Variants in FGF12 observed in about 807,000 individuals in gnomAD.
The protein encoded by FGF12 is fibroblast growth factor 12B.
A neutral mutation model predicts 23.6 loss-of-function variants in FGF12; 14 were observed. That is an observed-to-expected ratio of 0.59 (90% confidence interval 0.39 to 0.93). The LOEUF (loss-of-function observed/expected upper bound fraction) is 0.93, where lower values mean the gene tolerates loss of function less well. Among genes scored for constraint, FGF12 ranks in the 40% least tolerant of loss-of-function variants. FGF12 has a pLI of 0.00. For synonymous variants in FGF12, 62 were observed against 77.3 expected (o/e 0.80, Z 1.04); for missense variants, 175 against 217.8 (o/e 0.80, Z 1.24).
intron 2 of FGF12, among the ~76,000 whole-genome samples, chr3:192,690,964 G>T (rs1269147815): frequency 2.0e-5 from 3 of 151,704 alleles, no homozygotes; most frequent in Admixed American, 6.6e-5. Context: ...ATGATGAAGG[G>T]GTCAATGCAT....
chr3:192,428,099 C>T (rs1721748242), intron 2 of FGF12, among the ~76,000 whole-genome samples: 2 of 152,188 alleles, frequency 1.3e-5, no homozygotes, highest in African/African-American at 4.8e-5. Flanking sequence ...TTCTCAATTG[C>T]AACTTTCTTG....
chr3:192,696,914 AT>A (rs939644915), intron 2 of FGF12, among the ~76,000 whole-genome samples: 25 of 151,932 alleles, frequency 1.6e-4, no homozygotes, highest in Middle Eastern at 3.4e-3. Context: ...ACTGTAATGC[AT>A]TTTTTTTAAA....
chr3:192,301,861 G>A (rs938084135), intron 4 of FGF12, among the ~76,000 whole-genome samples: 2 of 152,094 alleles, frequency 1.3e-5, no homozygotes, highest in Admixed American at 1.3e-4. Flanking sequence ...AAGAAACAAG[G>A]AGGAGGAGGC....
intron 4 of FGF12, among the ~76,000 whole-genome samples, chr3:192,296,708 G>A (rs1715062059): frequency 6.6e-6 from 1 of 152,048 alleles, no homozygotes; most frequent in South Asian, 2.1e-4. Context: ...ATGCACATAA[G>A]TAATCTATAA....
rs1412121571 is a variant in FGF12 at position 192,514,149 on chromosome 3, G to A, written c.14-153611C>T. Among the ~76,000 whole-genome samples, 1 of 152,104 alleles carries A rather than the reference G, an allele frequency of 6.6e-6. No individual in the cohort carries two copies. The highest frequency in any genetic ancestry group is 2.4e-5 in the African/African-American group (1 of 41,422). Reference sequence around the variant, plus strand: ...TGGGACCCTCCTACTTCAGCACCAAGGACAGAAATCGCTAAATCTCCAGGG... The same window carrying A: ...TGGGACCCTCCTACTTCAGCACCAAAGACAGAAATCGCTAAATCTCCAGGG... On this transcript the variant is annotated intron_variant, in intron 2 of 5. Transcript: ENST00000445105. The surrounding 1 kb of genome is among the most constrained non-coding windows in gnomAD (Gnocchi z 4.9).
chr3:192,580,693 C>T (rs771036768), intron 2 of FGF12, among the ~76,000 whole-genome samples: 4 of 152,100 alleles, frequency 2.6e-5, no homozygotes, highest in Non-Finnish European at 5.9e-5. Context: ...CTGTAACCTC[C>T]GCCTCCCAGG....
intron 4 of FGF12, among the ~76,000 whole-genome samples, chr3:192,311,749 T>C (rs1715949519): frequency 1.3e-5 from 2 of 152,190 alleles, no homozygotes; most frequent in Non-Finnish European, 2.9e-5. Flanking sequence ...CCTGCACCAT[T>C]TTACATTCTC....
intron 2 of FGF12, among the ~76,000 whole-genome samples, chr3:192,586,266 A>G (rs1713370666): frequency 6.6e-6 from 1 of 152,212 alleles, no homozygotes; most frequent in African/African-American, 2.4e-5. Context: ...AGCAGACAGT[A>G]TATTACCCTA....
At chr3:192,713,324 T>C (rs1452319178) in intron 2 of FGF12, among the ~76,000 whole-genome samples, 2 of 152,068 alleles carry the variant, frequency 1.3e-5, no homozygotes, top group Non-Finnish European at 1.5e-5. Context: ...GAAGAGAATA[T>C]TGTTTAGCAT....
chr3:192,188,994 G>A (rs1275836441), intron 4 of FGF12, among the ~76,000 whole-genome samples: 2 of 152,172 alleles, frequency 1.3e-5, no homozygotes, highest in Non-Finnish European at 2.9e-5. Context: ...GAATTAGCTG[G>A]AGTTACGTGA....
chr3:192,295,174 T>C (rs1714963008), intron 4 of FGF12, among the ~76,000 whole-genome samples: 1 of 152,210 alleles, frequency 6.6e-6, no homozygotes, highest in East Asian at 1.9e-4. Flanking sequence ...AGCCGACCTA[T>C]CTAAGAGAAC....
intron 5 of FGF12, among the ~76,000 whole-genome samples, chr3:192,158,591 CGTCT>C (rs1180246522): frequency 1.9e-5 from 2 of 107,470 alleles, no homozygotes; most frequent in African/African-American, 3.8e-5. Context: ...TCTTTCTTCT[CGTCT>C]TTCTCTTTTT....
chr3:192,197,493 C>T (rs1046252210), intron 4 of FGF12, among the ~76,000 whole-genome samples: 2 of 152,068 alleles, frequency 1.3e-5, no homozygotes, highest in African/African-American at 4.8e-5. Context: ...AGATTAAGTA[C>T]CATAAAGATC....
intron 2 of FGF12, among the ~76,000 whole-genome samples, chr3:192,621,700 A>G (rs1322192674): frequency 1.4e-5 from 2 of 144,394 alleles, no homozygotes; most frequent in East Asian, 3.9e-4. Flanking sequence ...CAAAAAAAAA[A>G]AAAAAAAAAA....
chr3:192,252,457 T>C (rs1712082111), intron 4 of FGF12, among the ~76,000 whole-genome samples: 1 of 65,446 alleles, frequency 1.5e-5, no homozygotes, highest in Non-Finnish European at 2.5e-5. Context: ...AGTGAGAATC[T>C]GTCTCAAAAA....
At chr3:192,399,748 G>A (rs1406181318) in intron 2 of FGF12, among the ~76,000 whole-genome samples, 1 of 152,158 alleles carries the variant, frequency 6.6e-6, no homozygotes, top group Admixed American at 6.5e-5. Context: ...GAGAACCAGT[G>A]GCTTATATAA....
intron 2 of FGF12, among the ~76,000 whole-genome samples, chr3:192,552,231 A>G (rs1711556896): frequency 6.6e-6 from 1 of 152,130 alleles, no homozygotes; most frequent in African/African-American, 2.4e-5. Context: ...TCTGAAGACA[A>G]TGAAAAGAAA....
chr3:192,561,827 T>A (rs1274755319), intron 2 of FGF12, among the ~76,000 whole-genome samples: 1 of 151,580 alleles, frequency 6.6e-6, no homozygotes, highest in African/African-American at 2.4e-5. Flanking sequence ...AAACAAGAGC[T>A]TACACTATGA....
At chr3:192,242,968 C>T (rs75418883) in intron 4 of FGF12, among the ~76,000 whole-genome samples, 63 of 152,064 alleles carry the variant, frequency 4.1e-4, no homozygotes, top group African/African-American at 1.5e-3. Flanking sequence ...AGACAGAAAT[C>T]ATTTTCCTTT....
Sources: allele counts gnomAD v4.1 joint callset (sites outside exome capture counted in the v4.1 genomes callset), GRCh38; gene constraint gnomAD v4.1.1; non-coding constraint Gnocchi (gnomAD v3.1); transcripts MANE v1.5; gene names NCBI Gene and HGNC (gene_info 2026-07-23, HGNC 2026-07-21).